CDH13: variants seen among roughly 807,000 people sequenced by gnomAD.
CDH13 encodes cadherin 13.
CDH13 carries 24 observed loss-of-function variants against 63.8 expected under a neutral mutation model. The ratio of observed to expected loss-of-function variants is 0.38; its 90% CI spans 0.27 to 0.53. CDH13 has a LOEUF of 0.53. Among genes scored for constraint, CDH13 ranks in the 20% least tolerant of loss-of-function variants. The pLI is 0.85. For missense variants in CDH13, 1,049 were observed against 903.1 expected (o/e 1.16, Z -2.07); for synonymous variants, 503 against 355.3 (o/e 1.42, Z -4.67).
intron 7 of CDH13, among the ~76,000 whole-genome samples, chr16:83,592,677 G>A (rs1361979789): frequency 6.6e-6 from 1 of 152,128 alleles, no homozygotes; most frequent in South Asian, 2.1e-4. Context: ...TATTTCCCCT[G>A]CTGCTTCTCC....
At chr16:83,094,464 C>G (rs186416957) in intron 3 of CDH13, among the ~76,000 whole-genome samples, 4 of 152,266 alleles carry the variant, frequency 2.6e-5, no homozygotes, top group African/African-American at 7.2e-5. Context: ...TGAGGAGAAC[C>G]CTTCTGTGTT....
intron 2 of CDH13, among the ~76,000 whole-genome samples, chr16:82,998,506 G>C (rs184521838): frequency 1.3e-5 from 2 of 152,146 alleles, no homozygotes; most frequent in African/African-American, 2.4e-5. Flanking sequence ...AAACAAATGA[G>C]ATCTCACTAC....
At chr16:83,622,670 A>C (rs1909921763) in intron 8 of CDH13, among the ~76,000 whole-genome samples, 2 of 152,230 alleles carry the variant, frequency 1.3e-5, no homozygotes, top group Non-Finnish European at 2.9e-5. Context: ...TCATTTTTAC[A>C]TTAGCCCGCT....
intron 7 of CDH13, among the ~76,000 whole-genome samples, chr16:83,543,833 A>G (rs1370524334): frequency 6.6e-6 from 1 of 152,216 alleles, no homozygotes. Flanking sequence ...CCCAAACGTC[A>G]GTAGTGCCAG....
chr16:83,171,668 C>A, intron 4 of CDH13: 2 of 965,398 alleles, frequency 2.1e-6, no homozygotes, highest in Non-Finnish European at 3.2e-6. Context: ...AGTGACACTG[C>A]AAATAGCATG....
intron 7 of CDH13, among the ~76,000 whole-genome samples, chr16:83,556,980 G>A (rs1184107095): frequency 6.6e-6 from 1 of 152,156 alleles, no homozygotes; most frequent in African/African-American, 2.4e-5. Context: ...CCGACCCCCA[G>A]GCCTGTAGGA....
intron 2 of CDH13, among the ~76,000 whole-genome samples, chr16:82,993,276 G>A (rs1445519220): frequency 2.6e-5 from 4 of 152,030 alleles, no homozygotes; most frequent in Non-Finnish European, 5.9e-5. Flanking sequence ...CTCTCCCACC[G>A]TAGAGCATTG....
chr16:83,578,263 A>T (rs953409696), intron 7 of CDH13, among the ~76,000 whole-genome samples: 1 of 152,186 alleles, frequency 6.6e-6, no homozygotes, highest in Admixed American at 6.5e-5. Context: ...CAAATCCTGT[A>T]AAATTAACCA....
intron 5 of CDH13, among the ~76,000 whole-genome samples, chr16:83,312,386 G>A (rs1465485932): frequency 6.6e-6 from 1 of 152,204 alleles, no homozygotes; most frequent in Non-Finnish European, 1.5e-5. Context: ...TGACAGCTGG[G>A]TCTCAGAAAG....
intron 1 of CDH13, among the ~76,000 whole-genome samples, chr16:82,682,162 G>A (rs999819206): frequency 2.0e-5 from 3 of 152,200 alleles, no homozygotes; most frequent in Admixed American, 2.0e-4. Context: ...TGATAAGACT[G>A]CCTTCACGCA....
At chr16:83,520,863 C>G (rs967302865) in intron 7 of CDH13, among the ~76,000 whole-genome samples, 7 of 152,168 alleles carry the variant, frequency 4.6e-5, no homozygotes, top group African/African-American at 1.7e-4. Context: ...TTCTGCCCAG[C>G]TCAAAATCTT....
intron 1 of CDH13, among the ~76,000 whole-genome samples, chr16:82,703,923 C>A (rs989057289): frequency 6.6e-6 from 1 of 152,152 alleles, no homozygotes; most frequent in Non-Finnish European, 1.5e-5. Flanking sequence ...CTGTGGCATC[C>A]GTGTTATAGA....
intron 2 of CDH13, among the ~76,000 whole-genome samples, chr16:83,011,335 G>A (rs1222053514): frequency 6.6e-6 from 1 of 152,172 alleles, no homozygotes; most frequent in Admixed American, 6.5e-5. Context: ...ACACTGTTCA[G>A]CTCATGGAAA....
chr16:83,763,572 A>AG (rs890696293), intron 11 of CDH13, among the ~76,000 whole-genome samples: 1 of 152,068 alleles, frequency 6.6e-6, no homozygotes, highest in Non-Finnish European at 1.5e-5. Context: ...TCTAGACTGC[A>AG]GGGGGGATAT....
At chr16:82,840,024 T>C (rs917951911) in intron 1 of CDH13, among the ~76,000 whole-genome samples, 2 of 152,108 alleles carry the variant, frequency 1.3e-5, no homozygotes, top group African/African-American at 2.4e-5. Flanking sequence ...GAAGAAAAAG[T>C]TATGTTCCTT....
chr16:82,788,200 G>C (rs1869226529), intron 1 of CDH13, among the ~76,000 whole-genome samples: 1 of 152,192 alleles, frequency 6.6e-6, no homozygotes, highest in African/African-American at 2.4e-5. Flanking sequence ...AACAAAGTGA[G>C]GATGGTCCTC....
At chr16:83,191,910 G>T (rs2038727479) in intron 4 of CDH13, among the ~76,000 whole-genome samples, 1 of 151,938 alleles carries the variant, frequency 6.6e-6, no homozygotes, top group South Asian at 2.1e-4. Flanking sequence ...GACACACCCA[G>T]GATCAATACT....
chr16:83,351,416 G>A (rs1218946167), intron 6 of CDH13, among the ~76,000 whole-genome samples: 1 of 151,740 alleles, frequency 6.6e-6, no homozygotes, highest in South Asian at 2.1e-4. Flanking sequence ...ACATTTTAGT[G>A]AGTGCAGTTC....
chr16:82,630,511 A>T (rs1907878590), intron 1 of CDH13, among the ~76,000 whole-genome samples: 1 of 152,170 alleles, frequency 6.6e-6, no homozygotes. Context: ...GTTTTCCGTT[A>T]AGTAAAATCT....
Sources: gnomAD v4.1 joint callset for allele counts (sites outside exome capture counted in the v4.1 genomes callset) on GRCh38, gnomAD v4.1.1 for gene constraint, MANE v1.5 for transcripts, NCBI Gene and HGNC (gene_info 2026-07-23, HGNC 2026-07-21) for gene names.